The following CDH13 variants were observed in gnomAD, a reference collection of about 807,000 sequenced individuals.
CDH13 encodes the protein cadherin 13, also known as cadherin-13.
A neutral mutation model predicts 63.8 loss-of-function variants in CDH13; 24 were observed. That is an observed-to-expected ratio of 0.38 (90% CI 0.27 to 0.53). CDH13 has a LOEUF of 0.53. Among genes scored for constraint, CDH13 ranks in the 20% least tolerant of loss-of-function variants. The pLI is 0.85. For synonymous variants in CDH13, 503 were observed against 355.3 expected (o/e 1.42, Z -4.67); for missense variants, 1,049 against 903.1 (o/e 1.16, Z -2.07).
intron 5 of CDH13, among the ~76,000 whole-genome samples, chr16:83,332,686 A>T (rs1406411287): frequency 6.6e-6 from 1 of 152,190 alleles, no homozygotes; most frequent in Non-Finnish European, 1.5e-5. Context: ...TATAAGTTCT[A>T]CTTGAACCAA....
chr16:83,747,641 C>A (rs1294267753), intron 10 of CDH13, among the ~76,000 whole-genome samples: 1 of 151,298 alleles, frequency 6.6e-6, no homozygotes, highest in African/African-American at 2.4e-5. Context: ...GGTTTGGATG[C>A]TGCATTCTCT....
At chr16:83,306,911 A>G (rs975672734) in intron 5 of CDH13, among the ~76,000 whole-genome samples, 1 of 152,238 alleles carries the variant, frequency 6.6e-6, no homozygotes, top group African/African-American at 2.4e-5. Context: ...AATCAGACCT[A>G]TCCGTAAAGT....
intron 7 of CDH13, among the ~76,000 whole-genome samples, chr16:83,540,500 G>A (rs941874156): frequency 6.6e-6 from 1 of 152,134 alleles, no homozygotes; most frequent in African/African-American, 2.4e-5. Flanking sequence ...AGAAGCTCAG[G>A]GGTGCCTTTG....
At chr16:82,720,293 G>C (rs143647034) in intron 1 of CDH13, among the ~76,000 whole-genome samples, 1 of 152,296 alleles carries the variant, frequency 6.6e-6, no homozygotes, top group East Asian at 1.9e-4. Flanking sequence ...GACTGACTGA[G>C]TGCTTTCTTA....
chr16:83,766,552 A>T (rs1914400616), intron 11 of CDH13, among the ~76,000 whole-genome samples: 1 of 152,218 alleles, frequency 6.6e-6, no homozygotes, highest in Non-Finnish European at 1.5e-5. Flanking sequence ...ACTTGTACTC[A>T]TAACTTCCAA....
chr16:82,807,907 A>C (rs1432465061), intron 1 of CDH13, among the ~76,000 whole-genome samples: 3 of 152,228 alleles, frequency 2.0e-5, no homozygotes, highest in African/African-American at 7.2e-5. Flanking sequence ...GGTAATTTTC[A>C]AACTGTTCTT....
chr16:83,479,025 G>C (rs1314863879), intron 6 of CDH13, among the ~76,000 whole-genome samples: 2 of 152,116 alleles, frequency 1.3e-5, no homozygotes, highest in African/African-American at 4.8e-5. Flanking sequence ...GCTGCCTCTG[G>C]ATCCCTATCA....
intron 2 of CDH13, among the ~76,000 whole-genome samples, chr16:83,019,676 T>C (rs1445634848): frequency 6.6e-6 from 1 of 151,336 alleles, no homozygotes; most frequent in African/African-American, 2.4e-5. Context: ...TTGCATGTTT[T>C]GTAGATATGG....
chr16:83,042,449 A>G (rs781465726), intron 3 of CDH13, among the ~76,000 whole-genome samples: 11 of 152,320 alleles, frequency 7.2e-5, no homozygotes, highest in Non-Finnish European at 1.3e-4. Context: ...TCACCCCGAG[A>G]CAGGACCATG....
At chr16:83,492,362 A>G (rs978584117) in intron 7 of CDH13, among the ~76,000 whole-genome samples, 4 of 152,170 alleles carry the variant, frequency 2.6e-5, no homozygotes, top group African/African-American at 9.7e-5. Context: ...ATTACACACA[A>G]TTCAATCATG....
At chr16:83,127,954 C>G (rs1431818880) in intron 4 of CDH13, among the ~76,000 whole-genome samples, 1 of 152,176 alleles carries the variant, frequency 6.6e-6, no homozygotes, top group East Asian at 1.9e-4. Context: ...TGTGATGATC[C>G]TTTTCTAGAC....
At chr16:83,320,693 G>A (rs1056504424) in intron 5 of CDH13, among the ~76,000 whole-genome samples, 2 of 152,114 alleles carry the variant, frequency 1.3e-5, no homozygotes, top group Admixed American at 6.5e-5. Flanking sequence ...GGAGGAAATC[G>A]GGCTGCTTGT....
intron 6 of CDH13, among the ~76,000 whole-genome samples, chr16:83,441,343 A>G (rs2072474398): frequency 6.6e-6 from 1 of 152,228 alleles, no homozygotes; most frequent in South Asian, 2.1e-4. Context: ...AAAACACAAT[A>G]CATTTACAAT....
At chr16:82,675,875 C>G (rs60379920) in intron 1 of CDH13, among the ~76,000 whole-genome samples, 24,559 of 152,090 alleles carry the variant, frequency 0.16, 2,374 homozygotes, top group East Asian at 0.41. Flanking sequence ...TCTTTCCGCG[C>G]TAAGCAGTTC....
At chr16:82,799,025 T>G (rs1220599746) in intron 1 of CDH13, among the ~76,000 whole-genome samples, 1 of 152,178 alleles carries the variant, frequency 6.6e-6, no homozygotes. Context: ...AGTCCTTGTT[T>G]AATCACTAAA....
intron 2 of CDH13, among the ~76,000 whole-genome samples, chr16:82,917,841 G>A (rs1401237792): frequency 6.8e-6 from 1 of 146,278 alleles, no homozygotes; most frequent in Non-Finnish European, 1.5e-5. Context: ...CTTGAACCCA[G>A]GACGCAGAGG....
At chr16:83,333,868 A>G (rs2090529623) in intron 5 of CDH13, among the ~76,000 whole-genome samples, 1 of 152,178 alleles carries the variant, frequency 6.6e-6, no homozygotes, top group Non-Finnish European at 1.5e-5. Flanking sequence ...ACAATAAATT[A>G]TGTGGCCACT....
chr16:82,659,574 C>G (rs1039024071), intron 1 of CDH13, among the ~76,000 whole-genome samples: 20 of 152,294 alleles, frequency 1.3e-4, no homozygotes, highest in African/African-American at 4.6e-4. Flanking sequence ...ATGAACATAA[C>G]TCCCCTATTG....
At chr16:82,981,693 C>T (rs971386472) in intron 2 of CDH13, among the ~76,000 whole-genome samples, 1 of 152,086 alleles carries the variant, frequency 6.6e-6, no homozygotes, top group Non-Finnish European at 1.5e-5. Flanking sequence ...CATTTTCTAC[C>T]TTTCTTGCAA....
Sources: gnomAD v4.1 joint callset for allele counts (sites outside exome capture counted in the v4.1 genomes callset) on GRCh38, gnomAD v4.1.1 for gene constraint, MANE v1.5 for transcripts, NCBI Gene and HGNC (gene_info 2026-07-23, HGNC 2026-07-21) for gene names.